The following IQCH variants were observed in gnomAD, a reference collection of about 807,000 sequenced individuals.
IQCH encodes IQ motif containing H.
Under a neutral mutation model 117.0 loss-of-function variants are expected in IQCH, and 98 were observed. The observed-to-expected ratio is 0.84, with a 90% confidence interval of 0.71 to 0.99. The LOEUF (loss-of-function observed/expected upper bound fraction) is 0.99. IQCH is among the 50% of genes least tolerant of loss of function. IQCH has a pLI of 0.00. For missense variants in IQCH, 1,102 were observed against 1,243.8 expected (o/e 0.89, Z 1.72); for synonymous variants, 412 against 448.2 (o/e 0.92, Z 1.02).
rs1307978866 is a variant in IQCH, at chr15:67,493,807, C to T, written c.2862-451C>T. ...ATATCTCCTAATGCTATTCCTCTCC[C>T]CTCCCCTCACCCCACGACAGGCCCC... On this transcript the variant is annotated intron_variant, in intron 19 of 20. Transcript: ENST00000335894. This position sits in a 1 kb window ranked among gnomAD's most constrained non-coding sequence, Gnocchi z 5.1. Among the ~76,000 whole-genome samples the T allele has an allele frequency of 3.3e-5, 5 of 152,156 alleles. No homozygotes were observed. Among genetic ancestry groups the T allele is most frequent in the African/African-American group, 4.8e-5 (2 of 41,430 alleles).
At chr15:67,310,940 G>A (rs1189997728) in intron 4 of IQCH, among the ~76,000 whole-genome samples, 1 of 152,016 alleles carries the variant, frequency 6.6e-6, no homozygotes, top group African/African-American at 2.4e-5. Flanking sequence ...TGACACATTT[G>A]AAAAATATTT....
intron 16 of IQCH, among the ~76,000 whole-genome samples, chr15:67,437,037 C>A (rs570050570): frequency 1.5e-3 from 222 of 152,214 alleles, no homozygotes; most frequent in Non-Finnish European, 2.7e-3. Flanking sequence ...CAGTCCCTCT[C>A]CACACTACTA....
chr15:67,437,671 T>C (rs1267366540), intron 16 of IQCH, among the ~76,000 whole-genome samples: 1 of 152,130 alleles, frequency 6.6e-6, no homozygotes, highest in Non-Finnish European at 1.5e-5. Flanking sequence ...AATGAAGGGA[T>C]ACATATTCAA....
intron 4 of IQCH, among the ~76,000 whole-genome samples, chr15:67,305,422 T>C (rs1394968404): frequency 6.6e-6 from 1 of 152,150 alleles, no homozygotes; most frequent in Non-Finnish European, 1.5e-5. Flanking sequence ...GAGCACTTTA[T>C]CTTACAAATA....
rs1448876274 is a variant in IQCH, at chr15:67,393,591, G to T, written c.1633-1700G>T. On this transcript the variant is annotated intron_variant, in intron 12 of 20. Coordinates refer to ENST00000335894, the MANE Select transcript of IQCH (RefSeq NM_001031715.3). The surrounding 1 kb of genome is among the most constrained non-coding windows in gnomAD (Gnocchi z 5.5). Reference sequence around the variant, plus strand: ...GCTGGAGTGCAGTGGCATGATCTCGGTTCACTGCAGCCTTGACCTCCCTGG... The same window carrying T: ...GCTGGAGTGCAGTGGCATGATCTCGTTTCACTGCAGCCTTGACCTCCCTGG... Among the ~76,000 whole-genome samples the T allele has an allele frequency of 6.6e-6, 1 of 152,078 alleles. No individual in the cohort carries two copies. Among genetic ancestry groups the T allele is most frequent in the African/African-American group, 2.4e-5 (1 of 41,390 alleles).
intron 10 of IQCH, among the ~76,000 whole-genome samples, chr15:67,375,329 G>A (rs922943815): frequency 1.3e-5 from 2 of 152,106 alleles, no homozygotes; most frequent in Non-Finnish European, 2.9e-5. Context: ...GGAAGGCTAA[G>A]GAGGGAAGAT....
At chr15:67,446,777 G>A (rs2082401663) in intron 16 of IQCH, among the ~76,000 whole-genome samples, 1 of 152,272 alleles carries the variant, frequency 6.6e-6, no homozygotes, top group East Asian at 1.9e-4. Context: ...CTGAAGGACT[G>A]TATTTCTTTG....
chr15:67,321,328 T>C (rs1968107241), intron 4 of IQCH, among the ~76,000 whole-genome samples: 1 of 152,050 alleles, frequency 6.6e-6, no homozygotes, highest in Admixed American at 6.6e-5. Flanking sequence ...GTGTTCACAA[T>C]CCCCCTTGTC....
chr15:67,301,209 T>C (rs2140529243), intron 4 of IQCH, among the ~76,000 whole-genome samples: 1 of 152,232 alleles, frequency 6.6e-6, no homozygotes, highest in East Asian at 1.9e-4. Context: ...CTTTCCTGCT[T>C]AATGGAATGA....
intron 4 of IQCH, among the ~76,000 whole-genome samples, chr15:67,308,798 T>A (rs1219400562): frequency 6.6e-6 from 1 of 152,030 alleles, no homozygotes; most frequent in African/African-American, 2.4e-5. Flanking sequence ...GATGGAATGT[T>A]GGCTGGTGGA....
chr15:67,260,589 G>T (rs1965415574), intron 1 of IQCH, among the ~76,000 whole-genome samples: 1 of 152,018 alleles, frequency 6.6e-6, no homozygotes, highest in Non-Finnish European at 1.5e-5. Context: ...GAAGTTTTTT[G>T]TTTTCTTTCC....
At chr15:67,283,395 CAAAT>C (rs920837303) in intron 4 of IQCH, among the ~76,000 whole-genome samples, 2 of 152,076 alleles carry the variant, frequency 1.3e-5, no homozygotes, top group African/African-American at 2.4e-5. Flanking sequence ...TTGAGTCATA[CAAAT>C]AAAGACCATT....
chr15:67,481,582 G>A lies in IQCH; in HGVS notation c.2799+5764G>A, dbSNP rs1326949219. ...TATCAAGTACATATTTGCATTCAGA[G>A]AGACTCTCTCAGGAAAAAGAGAACA... On this transcript the variant is annotated intron_variant, in intron 18 of 20. Coordinates refer to ENST00000335894, the MANE Select transcript of IQCH (RefSeq NM_001031715.3). This position sits in a 1 kb window ranked among gnomAD's most constrained non-coding sequence, Gnocchi z 4.1. 6.6e-6 allele frequency among the ~76,000 whole-genome samples: 1 copy of A among 152,264 alleles called. No individual in the cohort carries two copies. The highest frequency in any genetic ancestry group is 1.9e-4 in the East Asian group (1 of 5,188).
chr15:67,318,585 G>GCCT (rs1967961765), intron 4 of IQCH, among the ~76,000 whole-genome samples: 1 of 152,020 alleles, frequency 6.6e-6, no homozygotes, highest in East Asian at 1.9e-4. Flanking sequence ...TAGGCAAAAG[G>GCCT]CCTCTTTTTT....
chr15:67,271,589 C>G (rs1965901389), intron 3 of IQCH, among the ~76,000 whole-genome samples: 1 of 152,094 alleles, frequency 6.6e-6, no homozygotes, highest in African/African-American at 2.4e-5. Flanking sequence ...GCTTTGATCT[C>G]TTTACTCCTT....
In IQCH at chr15:67,356,811, G is replaced by A. The variant is rs1178841898; in HGVS notation, c.638-534G>A. 6.6e-6 allele frequency among the ~76,000 whole-genome samples: 1 copy of A among 152,116 alleles called. No homozygotes were observed. Among genetic ancestry groups the A allele is most frequent in the Non-Finnish European group, 1.5e-5 (1 of 68,030 alleles). On this transcript the variant is annotated intron_variant, in intron 6 of 20. Coordinates refer to ENST00000335894, the MANE Select transcript of IQCH (RefSeq NM_001031715.3). This position sits in a 1 kb window ranked among gnomAD's most constrained non-coding sequence, Gnocchi z 5.3. Reference sequence around the variant, plus strand: ...TGGGCCCATTCTTCCTCGACCATGGGCTAGGTGTGTTCTCTAAAAGTTGTT... The same window carrying A: ...TGGGCCCATTCTTCCTCGACCATGGACTAGGTGTGTTCTCTAAAAGTTGTT...
intron 6 of IQCH, among the ~76,000 whole-genome samples, chr15:67,349,485 G>C (rs748380998): frequency 1.3e-5 from 2 of 151,940 alleles, no homozygotes; most frequent in Non-Finnish European, 2.9e-5. Flanking sequence ...CAGGCGTGGT[G>C]GTGGGTACCT....
rs1971139978 is a variant in IQCH, at chr15:67,387,349, G to T, written c.1457-1482G>T. ...ATGTATGTATGCCCTGCGTCTAGGT[G>T]TAAAAGACCTTCCCAACTTTGCGAA... On this transcript the variant is annotated intron_variant, in intron 11 of 20. Coordinates refer to ENST00000335894, the MANE Select transcript of IQCH (RefSeq NM_001031715.3). This position sits in a 1 kb window ranked among gnomAD's most constrained non-coding sequence, Gnocchi z 4.8. Among the ~76,000 whole-genome samples, 1 of 152,104 alleles carries T rather than the reference G, an allele frequency of 6.6e-6. No individual in the cohort carries two copies. Among genetic ancestry groups the T allele is most frequent in the Non-Finnish European group, 1.5e-5 (1 of 68,012 alleles).
At chr15:67,460,599 C>T (rs2082768266) in intron 16 of IQCH, among the ~76,000 whole-genome samples, 1 of 152,160 alleles carries the variant, frequency 6.6e-6, no homozygotes, top group African/African-American at 2.4e-5. Context: ...TCCTTGTGCT[C>T]TTAAGACCTT....
Sources: gnomAD v4.1 joint callset for allele counts (sites outside exome capture counted in the v4.1 genomes callset) on GRCh38, gnomAD v4.1.1 for gene constraint, Gnocchi (gnomAD v3.1) non-coding constraint, MANE v1.5 for transcripts, NCBI Gene and HGNC (gene_info 2026-07-23, HGNC 2026-07-21) for gene names.